The following ADAMTSL1 variants were observed in gnomAD, a reference collection of about 807,000 sequenced individuals.
The protein encoded by ADAMTSL1 is ADAMTS like 1.
In ADAMTSL1, 126 loss-of-function variants were observed where a neutral mutation model predicts 201.8. The ratio of observed to expected loss-of-function variants is 0.62; its 90% CI spans 0.54 to 0.72. ADAMTSL1 has a LOEUF of 0.72. Among genes scored for constraint, ADAMTSL1 ranks in the 30% least tolerant of loss-of-function variants. The pLI is 0.00. For missense variants in ADAMTSL1, 2,679 were observed against 2,277.8 expected (o/e 1.18, Z -3.59); for synonymous variants, 1,121 against 903.4 (o/e 1.24, Z -4.32).
intron 2 of ADAMTSL1, among the ~76,000 whole-genome samples, chr9:18,531,279 C>G (rs1819428211): frequency 6.6e-6 from 1 of 152,184 alleles, no homozygotes; most frequent in African/African-American, 2.4e-5. Flanking sequence ...GTAGCTTGAT[C>G]AACCTGACAC....
intron 2 of ADAMTSL1, among the ~76,000 whole-genome samples, chr9:18,267,783 AAAAC>A (rs1449090674): frequency 3.3e-5 from 5 of 150,310 alleles, no homozygotes; most frequent in African/African-American, 9.8e-5. Context: ...AACAAAAACA[AAAAC>A]AAAAAAACCT....
At chr9:18,411,024 T>C (rs1028882422) in intron 2 of ADAMTSL1, among the ~76,000 whole-genome samples, 5 of 149,678 alleles carry the variant, frequency 3.3e-5, no homozygotes, top group South Asian at 2.1e-4. Context: ...TTTTTTTGTT[T>C]GGTTTTTTTT....
intron 4 of ADAMTSL1, among the ~76,000 whole-genome samples, chr9:18,586,894 T>A (rs988206503): frequency 6.6e-6 from 1 of 152,180 alleles, no homozygotes; most frequent in African/African-American, 2.4e-5. Flanking sequence ...GCTAGCCATA[T>A]GCAGAAGACT....
intron 1 of ADAMTSL1, among the ~76,000 whole-genome samples, chr9:17,986,736 C>A (rs578080313): frequency 8.5e-5 from 13 of 152,066 alleles, no homozygotes; most frequent in Non-Finnish European, 1.3e-4. Context: ...AGCACAATAA[C>A]TTATTTTAAA....
rs187439358 is a variant in ADAMTSL1, at chr9:18,723,453, A to G, written c.2006+1788A>G. ...TCCCTAAACCCTTCTTTGAGCACCAAAACGAATAGGACATGAGATGTTACT... is the reference window on the plus strand; with the variant it reads ...TCCCTAAACCCTTCTTTGAGCACCAGAACGAATAGGACATGAGATGTTACT... On this transcript the variant is annotated intron_variant, in intron 15 of 28. Transcript: ENST00000380548. The G allele has an allele frequency of 2.6e-5, 7 of 267,384 alleles. No individual in the cohort carries two copies. The East Asian group carries it at 6.3e-4, about 24-fold the overall frequency. 16.6% of individuals were successfully genotyped at this position (267,384 alleles called of 1,614,324 possible).
chr9:18,036,862 C>T (rs1460841503), intron 1 of ADAMTSL1, among the ~76,000 whole-genome samples: 2 of 152,060 alleles, frequency 1.3e-5, no homozygotes, highest in African/African-American at 4.8e-5. Context: ...TTAGAGTTTC[C>T]TTATGGACAC....
At chr9:18,685,321 T>G (rs964129365) in intron 13 of ADAMTSL1, among the ~76,000 whole-genome samples, 3 of 152,358 alleles carry the variant, frequency 2.0e-5, no homozygotes, top group South Asian at 4.1e-4. Flanking sequence ...CTACTCAATT[T>G]TATCAAGTCC....
chr9:18,714,273 G>GGA (rs1832781689), intron 14 of ADAMTSL1, among the ~76,000 whole-genome samples: 6 of 150,788 alleles, frequency 4.0e-5, no homozygotes, highest in Non-Finnish European at 8.9e-5. Context: ...AGGAAATAGA[G>GGA]ACACAAAAAA....
At chr9:17,969,215 C>A (rs1001692501) in intron 1 of ADAMTSL1, among the ~76,000 whole-genome samples, 2 of 151,688 alleles carry the variant, frequency 1.3e-5, no homozygotes, top group African/African-American at 4.8e-5. Flanking sequence ...AGTTAAAAAT[C>A]TAATTTCTCT....
At chr9:18,706,447 CAATT>C (rs993066385) in intron 13 of ADAMTSL1, among the ~76,000 whole-genome samples, 5 of 152,104 alleles carry the variant, frequency 3.3e-5, no homozygotes, top group Non-Finnish European at 5.9e-5. Context: ...AAGAAACCAC[CAATT>C]CCCTGCTTGG....
At chr9:18,141,858 C>T (rs1350478703) in intron 1 of ADAMTSL1, among the ~76,000 whole-genome samples, 1 of 152,200 alleles carries the variant, frequency 6.6e-6, no homozygotes, top group Non-Finnish European at 1.5e-5. Flanking sequence ...TGACCAGATT[C>T]TACCTCCTCA....
chr9:18,622,445 C>T (rs779948255), intron 5 of ADAMTSL1, 76 bp downstream of exon 5: 26 of 1,597,598 alleles, frequency 1.6e-5, no homozygotes, highest in African/African-American at 5.4e-5. Flanking sequence ...CCCCACTAAA[C>T]AGCCAGGGAA....
intron 2 of ADAMTSL1, among the ~76,000 whole-genome samples, chr9:18,283,827 G>T (rs1832885354): frequency 6.7e-6 from 1 of 149,060 alleles, no homozygotes; most frequent in Admixed American, 6.7e-5. Context: ...CAGGAGAATG[G>T]CATGAACCCA....
At chr9:18,391,445 T>TA (rs1441485966) in intron 2 of ADAMTSL1, among the ~76,000 whole-genome samples, 3 of 152,134 alleles carry the variant, frequency 2.0e-5, no homozygotes, top group Admixed American at 6.6e-5. Flanking sequence ...AGTTGGTAGT[T>TA]AAAACAATTT....
At chr9:18,869,258 C>G (rs1468149274) in intron 23 of ADAMTSL1, among the ~76,000 whole-genome samples, 2 of 152,228 alleles carry the variant, frequency 1.3e-5, no homozygotes, top group Non-Finnish European at 2.9e-5. Context: ...GCCTCCAGAA[C>G]TATCAGACAA....
At chr9:18,191,817 T>C (rs1453981376) in intron 2 of ADAMTSL1, among the ~76,000 whole-genome samples, 1 of 152,174 alleles carries the variant, frequency 6.6e-6, no homozygotes, top group Non-Finnish European at 1.5e-5. Context: ...AAATATTTTG[T>C]TATGCCCATA....
intron 2 of ADAMTSL1, among the ~76,000 whole-genome samples, chr9:18,413,787 C>A (rs893973539): frequency 1.3e-5 from 2 of 152,122 alleles, no homozygotes; most frequent in African/African-American, 4.8e-5. Flanking sequence ...GCTTCCCGTC[C>A]CATTTTTCTT....
At chr9:18,148,630 A>G (rs947486159) in intron 1 of ADAMTSL1, among the ~76,000 whole-genome samples, 1 of 152,058 alleles carries the variant, frequency 6.6e-6, no homozygotes, top group African/African-American at 2.4e-5. Flanking sequence ...GATATTGATA[A>G]CAGTTGATGA....
chr9:18,297,784 A>T (rs1253962321), intron 2 of ADAMTSL1, among the ~76,000 whole-genome samples: 3 of 152,224 alleles, frequency 2.0e-5, no homozygotes, highest in Admixed American at 2.0e-4. Context: ...AGAAGTGTTT[A>T]AAAGACTTAC....
Sources: gnomAD v4.1 joint callset for allele counts (sites outside exome capture counted in the v4.1 genomes callset) on GRCh38, gnomAD v4.1.1 for gene constraint, MANE v1.5 for transcripts, NCBI Gene and HGNC (gene_info 2026-07-23, HGNC 2026-07-21) for gene names.